The following ASL variants were observed in gnomAD, a reference collection of about 807,000 sequenced individuals.
ASL encodes argininosuccinate lyase, also known as argininosuccinase.
In ASL, 51 loss-of-function variants were observed where a neutral mutation model predicts 69.1. That is an observed-to-expected ratio of 0.74 (90% CI 0.59 to 0.93). The LOEUF is 0.93. ASL is among the 40% of genes least tolerant of loss of function. The probability of loss-of-function intolerance (pLI) is 0.00; values close to 1 mark genes in which losing one functional copy is unlikely to be tolerated. For synonymous variants in ASL, 241 were observed against 247.6 expected (o/e 0.97, Z 0.25); for missense variants, 540 against 623.9 (o/e 0.87, Z 1.43).
intron 14 of ASL, among the ~76,000 whole-genome samples, chr7:66,091,203 C>A (rs180981573): frequency 2.3e-3 from 348 of 152,066 alleles, no homozygotes; most frequent in African/African-American, 8.0e-3. Context: ...TGAGGCCCCA[C>A]TCCAGATGGC....
chr7:66,092,144 G>A, intron 15 of ASL, 58 bp downstream of exon 15: 3 of 1,589,258 alleles, frequency 1.9e-6, no homozygotes, highest in Admixed American at 3.3e-5. Flanking sequence ...CCCAGAGGGT[G>A]GGGGAGCTCA....
Position 66,093,171 on chromosome 7 carries a change from G to T in ASL, c.*259G>T. ...TCTCTACTCAATAATAAAACAAATAGCCTGGCGTGGTGGCCCATGCATATA... is the reference window on the plus strand; with the variant it reads ...TCTCTACTCAATAATAAAACAAATATCCTGGCGTGGTGGCCCATGCATATA... On this transcript the variant is annotated 3_prime_UTR_variant, in exon 17 of 17. Coordinates refer to ENST00000304874, the MANE Select transcript of ASL (RefSeq NM_000048.4). The T allele has an allele frequency of 1.8e-6, 1 of 568,836 alleles. No individual in the cohort carries two copies. The highest frequency in any genetic ancestry group is 3.1e-6 in the Non-Finnish European group (1 of 320,056). 35.2% of individuals were successfully genotyped at this position (568,836 alleles called of 1,614,324 possible).
At chr7:66,089,040 C>T in intron 11 of ASL, 51 bp from the exon 12 acceptor site, 3 of 1,612,634 alleles carry the variant, frequency 1.9e-6, no homozygotes, top group South Asian at 1.1e-5. Flanking sequence ...CATTGCGGCG[C>T]TGGACCAGCC....
chr7:66,091,884 C>T (rs1049734035), intron 14 of ASL, 122 bp from the exon 15 acceptor site: 6 of 933,998 alleles, frequency 6.4e-6, no homozygotes, highest in Admixed American at 1.7e-5. Flanking sequence ...GAGACAGAGC[C>T]GAGTGGGTAA....
In ASL at chr7:66,092,094, T is replaced by G. The variant is rs1015804553; in HGVS notation, c.1143+8T>G. 1 of 1,610,224 alleles carries G rather than the reference T, an allele frequency of 6.2e-7. No individual in the cohort carries two copies. Among genetic ancestry groups the G allele is most frequent in the African/African-American group, 1.3e-5 (1 of 74,960 alleles). On this transcript the variant is annotated splice_region_variant and intron_variant, in intron 15 of 16. Transcript: ENST00000304874. ...TACCTGGTCCGCAAAGGGGTAAGTG[T>G]GTAGCAGCCAGGGGGAGGGTGAGGA...
In ASL at chr7:66,089,711, C is replaced by A. The variant is rs192554187; in HGVS notation, c.1062+16C>A. ...TACGCTGCAGGCAAGACATCACCCC[C>A]CTGCTTCTCCTCCCCTAGGTCCCAG... On this transcript the variant is annotated intron_variant, in intron 14 of 16. Transcript: ENST00000304874. 9 of 1,612,316 alleles carry A rather than the reference C, an allele frequency of 5.6e-6. No homozygotes were observed. The highest frequency in any genetic ancestry group is 3.3e-5 in the Admixed American group (2 of 59,876).
chr7:66,083,565 T>C (rs992930800), intron 6 of ASL, among the ~76,000 whole-genome samples: 5 of 151,712 alleles, frequency 3.3e-5, no homozygotes, highest in African/African-American at 1.2e-4. Context: ...GCGCCTGTAA[T>C]CCCAGCTACT....
chr7:66,089,250 G>A (rs1786769488), intron 12 of ASL, 26 bp from the exon 13 acceptor site: 1 of 1,611,288 alleles, frequency 6.2e-7, no homozygotes, highest in African/African-American at 1.3e-5. Flanking sequence ...CCCGGGTCCA[G>A]CCCCTGTGCC....
chr7:66,089,186 C>T lies in ASL; in HGVS notation c.918+11C>T. On this transcript the variant is annotated intron_variant, in intron 12 of 16. Coordinates refer to ENST00000304874, the MANE Select transcript of ASL (RefSeq NM_000048.4). ...CGTGTGTTTGGGCGGGTGAGCAAGG[C>T]AGGGGGAGGGGCGGGGCCTCTGGGC... The T allele has an allele frequency of 6.2e-7, 1 of 1,613,590 alleles. No homozygotes were observed. Among genetic ancestry groups the T allele is most frequent in the Non-Finnish European group, 8.5e-7 (1 of 1,179,878 alleles).
chr7:66,088,222 C>T lies in ASL; in HGVS notation c.718+431C>T, dbSNP rs564404593. 1.3e-4 allele frequency among the ~76,000 whole-genome samples: 19 copies of T among 151,874 alleles called. No individual in the cohort carries two copies. The South Asian group carries it at 2.9e-3, about 23-fold the overall frequency. On this transcript the variant is annotated intron_variant, in intron 10 of 16. Transcript: ENST00000304874. ...TAGGCCAGGCATGGTGGCTCACGCC[C>T]GTAATCCTAGCACTTTGGGAGTCCG... is the stretch of plus-strand genomic sequence containing the variant.
At chr7:66,085,478 CAA>C (rs1786633362) in intron 6 of ASL, among the ~76,000 whole-genome samples, 1 of 107,170 alleles carries the variant, frequency 9.3e-6, no homozygotes, top group Non-Finnish European at 2.0e-5. Flanking sequence ...TTCTCAAAAA[CAA>C]CAACAACAAA....
chr7:66,086,883 T>A, intron 8 of ASL, 62 bp downstream of exon 8: 1 of 1,521,766 alleles, frequency 6.6e-7, no homozygotes, highest in Non-Finnish European at 8.9e-7. Context: ...GCCTTAGGGA[T>A]TGACAGAGCT....
Position 66,092,565 on chromosome 7 carries a change from C to G in ASL, c.1152C>G (p.Phe384Leu), listed in dbSNP as rs1786878950. The G allele has an allele frequency of 2.5e-6, 4 of 1,609,346 alleles. No individual in the cohort carries two copies. The East Asian group carries it at 6.7e-5, about 27-fold the overall frequency. ...TCCTCCCTGGCACCCAGATGCCATT[C>G]CGCCAGGCCCACGAGGCCTCCGGGA... ...AYYLVRKGMPFRQAHEASGKA... is the reference protein window; with the variant it reads ...AYYLVRKGMPLRQAHEASGKA... The change falls in exon 16 of 17, where the codon TTC becomes TTG. Residue 384 changes from phenylalanine to leucine, a missense_variant. Transcript: ENST00000304874.
chr7:66,086,931 C>T (rs969024478), intron 8 of ASL, 110 bp downstream of exon 8: 6 of 1,291,956 alleles, frequency 4.6e-6, no homozygotes, highest in Non-Finnish European at 6.4e-6. Flanking sequence ...GCCTTATCTG[C>T]TCAGCGGGGG....
Position 66,083,049 on chromosome 7 carries a change from C to T in ASL, c.349-28C>T, listed in dbSNP as rs1000975188. The T allele has an allele frequency of 1.9e-6, 3 of 1,613,324 alleles. No individual in the cohort carries two copies. In the African/African-American group the frequency reaches 4.0e-5, roughly 22 times the overall value. On this transcript the variant is annotated intron_variant, in intron 5 of 16. Coordinates refer to ENST00000304874, the MANE Select transcript of ASL (RefSeq NM_000048.4). Reference sequence around the variant, plus strand: ...CCTCAGGGAAGCAACACATCGGCCTCCCTGAGCACCATCTCCTCCTTGCAC... The same window carrying T: ...CCTCAGGGAAGCAACACATCGGCCTTCCTGAGCACCATCTCCTCCTTGCAC...
intron 6 of ASL, among the ~76,000 whole-genome samples, chr7:66,086,024 G>A (rs1004298196): frequency 6.6e-6 from 1 of 152,078 alleles, no homozygotes. Flanking sequence ...GGAGATCGAG[G>A]CAGCAGTGAG....
chr7:66,082,933 C>A lies in ASL; in HGVS notation c.345C>A (p.Asp115Glu), dbSNP rs778365821. The A allele has an allele frequency of 2.5e-6, 4 of 1,613,544 alleles. No individual in the cohort carries two copies. The African/African-American group carries it at 4.0e-5, about 16-fold the overall frequency. ...TGCACACGGGACGGAGCCGGAATGA[C>A]CAGGTGCTTTAGCCCCTCCACCCCC... Reference protein sequence around the residue: ...GKLHTGRSRNDQVVTDLRLWM... With the variant: ...GKLHTGRSRNEQVVTDLRLWM... The change falls in exon 5 of 17, where the codon GAC becomes GAA. Residue 115 changes from aspartate (D) to glutamate (E), a missense_variant. Coordinates refer to ENST00000304874, the MANE Select transcript of ASL (RefSeq NM_000048.4).
chr7:66,076,114 T>G, intron 2 of ASL, 21 bp downstream of exon 2: 1 of 1,589,126 alleles, frequency 6.3e-7, no homozygotes, highest in Non-Finnish European at 8.6e-7. Context: ...CCTCGGGGAC[T>G]CCGGTCCTCC....
intron 8 of ASL, 86 bp from the exon 9 acceptor site, chr7:66,087,248 G>C (rs2115729224): frequency 4.3e-6 from 3 of 691,202 alleles, no homozygotes; most frequent in South Asian, 2.4e-5. Flanking sequence ...GCGTTCGTGT[G>C]TGTGTGTGTG....
Sources: allele counts gnomAD v4.1 joint callset (sites outside exome capture counted in the v4.1 genomes callset), GRCh38; gene constraint gnomAD v4.1.1; transcripts MANE v1.5; gene names NCBI Gene and HGNC (gene_info 2026-07-23, HGNC 2026-07-21).